The following HIPK2 variants were observed in gnomAD, a reference collection of about 807,000 sequenced individuals.
The protein encoded by HIPK2 is homeodomain-interacting protein kinase 2.
In HIPK2, 27 loss-of-function variants were observed where a neutral mutation model predicts 113.7. That is an observed-to-expected ratio of 0.24 (90% CI 0.17 to 0.33). The LOEUF is 0.33. Ranked by LOEUF, HIPK2 falls within the 10% of genes least tolerant of loss-of-function variation. The pLI, the probability that HIPK2 is intolerant of heterozygous loss-of-function variation, is 1.00. For synonymous variants in HIPK2, 631 were observed against 642.2 expected, an observed-to-expected ratio of 0.98 and a Z score of 0.26; for missense variants, 1,257 against 1,588.0, an observed-to-expected ratio of 0.79 and a Z score of 3.54.
rs377364832 is a variant in HIPK2, at chr7:139,670,307, G to C, written c.1104-38582C>G. Among the ~76,000 whole-genome samples, 9 of 152,224 alleles carry C rather than the reference G, an allele frequency of 5.9e-5. No homozygotes were observed. The East Asian group carries it at 1.2e-3, about 20-fold the overall frequency. ...CATATGTCTAAGGAAACTGTGGCTG[G>C]GGATGGTGGCTCACACCTGTGACCC... On this transcript the variant is annotated intron_variant, in intron 2 of 14. Coordinates refer to ENST00000406875, the MANE Select transcript of HIPK2 (RefSeq NM_022740.5).
At chr7:139,587,488 CAAAAAAAAAAAAAAAAA>C (rs1213368741) in intron 12 of HIPK2, among the ~76,000 whole-genome samples, 2 of 43,998 alleles carry the variant, frequency 4.5e-5, no homozygotes, top group Admixed American at 5.6e-4. Flanking sequence ...GACTGTGTCT[CAAAAAAAAAAAAAAAAA>C]AAAAAAAAGC....
At chr7:139,667,170 T>A in intron 2 of HIPK2, among the ~76,000 whole-genome samples, 1 of 152,218 alleles carries the variant, frequency 6.6e-6, no homozygotes, top group Non-Finnish European at 1.5e-5. Flanking sequence ...CATATAATTT[T>A]GCATTCTTTT....
chr7:139,704,322 C>T (rs1470047321), intron 2 of HIPK2, among the ~76,000 whole-genome samples: 183 of 144,252 alleles, frequency 1.3e-3, no homozygotes, highest in Non-Finnish European at 2.3e-3. Flanking sequence ...TCCACACCCA[C>T]ACTATACCCA....
intron 1 of HIPK2, among the ~76,000 whole-genome samples, chr7:139,722,698 G>A (rs1795450517): frequency 6.6e-6 from 1 of 151,770 alleles, no homozygotes; most frequent in Non-Finnish European, 1.5e-5. Flanking sequence ...CCGGTTGGAC[G>A]TATGCTTACC....
intron 2 of HIPK2, among the ~76,000 whole-genome samples, chr7:139,660,856 A>G (rs188647522): frequency 6.6e-6 from 1 of 152,312 alleles, no homozygotes; most frequent in East Asian, 1.9e-4. Context: ...TCTTGGCAGG[A>G]GATAGGAAGT....
chr7:139,763,266 G>A (rs1252659878), intron 1 of HIPK2, among the ~76,000 whole-genome samples: 2 of 152,180 alleles, frequency 1.3e-5, no homozygotes, highest in East Asian at 3.8e-4. Context: ...TCTGAAGTAC[G>A]GCAGTGACAG....
intron 2 of HIPK2, among the ~76,000 whole-genome samples, chr7:139,641,895 T>C (rs1055936270): frequency 1.3e-5 from 2 of 152,254 alleles, no homozygotes; most frequent in Non-Finnish European, 2.9e-5. Flanking sequence ...TGTGCATTTC[T>C]GGAAAAATGT....
chr7:139,586,968 T>C (rs1464780374), intron 12 of HIPK2, among the ~76,000 whole-genome samples: 1 of 152,132 alleles, frequency 6.6e-6, no homozygotes, highest in Non-Finnish European at 1.5e-5. Context: ...TACTGATTAA[T>C]GGTATAGTTT....
intron 1 of HIPK2, among the ~76,000 whole-genome samples, chr7:139,774,317 A>G (rs1484032948): frequency 6.6e-6 from 1 of 152,192 alleles, no homozygotes; most frequent in Non-Finnish European, 1.5e-5. Context: ...AATAAAGCCC[A>G]AAGTCGTATC....
At chr7:139,643,404 ACACAC>A (rs1433157999) in intron 2 of HIPK2, among the ~76,000 whole-genome samples, 1 of 152,052 alleles carries the variant, frequency 6.6e-6, no homozygotes, top group African/African-American at 2.4e-5. Context: ...ACACACACAC[ACACAC>A]ATTTTCACAC....
intron 6 of HIPK2, among the ~76,000 whole-genome samples, chr7:139,621,667 G>A (rs938556162): frequency 9.9e-5 from 15 of 152,072 alleles, no homozygotes; most frequent in African/African-American, 2.4e-4. Context: ...GGTGGCTCAC[G>A]CCTTAATCCC....
chr7:139,632,542 C>T (rs893668391), intron 2 of HIPK2, among the ~76,000 whole-genome samples: 12 of 152,184 alleles, frequency 7.9e-5, no homozygotes, highest in Non-Finnish European at 1.3e-4. Flanking sequence ...AGTCTGGTAT[C>T]AACCAGGATT....
In HIPK2 at chr7:139,652,506, C is replaced by T. The variant is rs548183684; in HGVS notation, c.1104-20781G>A. 1.1e-4 allele frequency among the ~76,000 whole-genome samples: 16 copies of T among 152,272 alleles called. 1 individual carries two copies. In the South Asian group the frequency reaches 3.1e-3, roughly 30 times the overall value. ...CAAGAAGCTTATCATCTCGTGTACACGTATGGAAAAAGGAATACAGACAGA... is the reference window on the plus strand; with the variant it reads ...CAAGAAGCTTATCATCTCGTGTACATGTATGGAAAAAGGAATACAGACAGA... On this transcript the variant is annotated intron_variant, in intron 2 of 14. Coordinates refer to ENST00000406875, the MANE Select transcript of HIPK2 (RefSeq NM_022740.5).
chr7:139,701,383 G>C (rs1794703627), intron 2 of HIPK2, among the ~76,000 whole-genome samples: 1 of 152,202 alleles, frequency 6.6e-6, no homozygotes, highest in Non-Finnish European at 1.5e-5. Flanking sequence ...ACGTGAAGAG[G>C]CTGTGAGGCT....
At chr7:139,770,382 A>G (rs1796628739) in intron 1 of HIPK2, among the ~76,000 whole-genome samples, 1 of 152,162 alleles carries the variant, frequency 6.6e-6, no homozygotes, top group East Asian at 1.9e-4. Flanking sequence ...TGCTTCCTTA[A>G]TGCTATGAAA....
chr7:139,723,233 A>G (rs1362261907), intron 1 of HIPK2, among the ~76,000 whole-genome samples: 9 of 138,828 alleles, frequency 6.5e-5, no homozygotes, highest in Admixed American at 5.3e-4. Flanking sequence ...CACTCTTGTC[A>G]CCCAGGCTGG....
chr7:139,766,408 C>T (rs1056888505), intron 1 of HIPK2, among the ~76,000 whole-genome samples: 6 of 152,210 alleles, frequency 3.9e-5, no homozygotes, highest in Non-Finnish European at 7.3e-5. Context: ...TGCCCTCTAC[C>T]ACATTCCTAC....
intron 13 of HIPK2, among the ~76,000 whole-genome samples, chr7:139,577,546 C>T (rs566017848): frequency 5.3e-5 from 8 of 152,124 alleles, no homozygotes; most frequent in South Asian, 2.1e-4. Flanking sequence ...TCAATGACAA[C>T]GGAAGCAGAA....
At chr7:139,763,521 T>C (rs1248617952) in intron 1 of HIPK2, among the ~76,000 whole-genome samples, 1 of 137,124 alleles carries the variant, frequency 7.3e-6, no homozygotes, top group African/African-American at 2.7e-5. Flanking sequence ...GTATGTATTG[T>C]CTGTGCAGCT....
Sources: gnomAD v4.1 joint callset for allele counts (sites outside exome capture counted in the v4.1 genomes callset) on GRCh38, gnomAD v4.1.1 for gene constraint, MANE v1.5 for transcripts, NCBI Gene and HGNC (gene_info 2026-07-23, HGNC 2026-07-21) for gene names.